PRR16: variants seen among roughly 807,000 people sequenced by gnomAD.
PRR16 encodes protein Largen.
PRR16 carries 6 observed loss-of-function variants against 18.2 expected under a neutral mutation model. The ratio of observed to expected loss-of-function variants is 0.33; its 90% CI spans 0.18 to 0.65. The LOEUF is 0.65. PRR16 is among the 30% of genes least tolerant of loss of function. The pLI is 0.74. For synonymous variants in PRR16, 151 were observed against 147.8 expected (o/e 1.02, Z -0.16); for missense variants, 412 against 376.6 (o/e 1.09, Z -0.78).
At chr5:120,747,508 G>C in the PRR16 span, among the ~76,000 whole-genome samples, 2 of 152,142 alleles carry the variant, frequency 1.3e-5, no homozygotes, top group Non-Finnish European at 2.9e-5. Flanking sequence ...TCATATCAAT[G>C]ATTCTCAAGG....
chr5:120,553,775 T>C (rs567946930), intron 1 of PRR16, among the ~76,000 whole-genome samples: 11 of 151,994 alleles, frequency 7.2e-5, no homozygotes, highest in African/African-American at 2.6e-4. Context: ...CTTGAAATAA[T>C]AACCTCAACG....
At chr5:120,701,563 G>A in the PRR16 span, among the ~76,000 whole-genome samples, 2 of 152,172 alleles carry the variant, frequency 1.3e-5, no homozygotes, top group Non-Finnish European at 2.9e-5. Context: ...CCAGGTGTGA[G>A]GAGGGGAGGT....
chr5:120,753,857 AAT>A, the PRR16 span, among the ~76,000 whole-genome samples: 2 of 93,200 alleles, frequency 2.1e-5, no homozygotes, highest in Non-Finnish European at 4.0e-5. Flanking sequence ...TATTATATAT[AAT>A]ATCTTATATA....
At chr5:120,475,218 T>C (rs1235802003) in intron 1 of PRR16, among the ~76,000 whole-genome samples, 1 of 152,172 alleles carries the variant, frequency 6.6e-6, no homozygotes, top group Admixed American at 6.5e-5. Flanking sequence ...GAACTCCTGA[T>C]ATTTCCCCCT....
the PRR16 span, among the ~76,000 whole-genome samples, chr5:120,749,239 A>G: frequency 6.6e-6 from 1 of 152,142 alleles, no homozygotes; most frequent in Admixed American, 6.5e-5. Flanking sequence ...CATCATAAAC[A>G]TTCTTAGTTC....
In PRR16 at chr5:120,467,860, A is replaced by G. The variant is rs548329918; in HGVS notation, c.159+3215A>G. Among the ~76,000 whole-genome samples, 8 of 152,284 alleles carry G rather than the reference A, an allele frequency of 5.3e-5. No homozygotes were observed. The East Asian group carries it at 1.5e-3, about 29-fold the overall frequency. ...TCCTTTTGTTTTCTATGCTATTAAT[A>G]TATTGGAAAAGCCTTAAATATAATT... On this transcript the variant is annotated intron_variant, in intron 1 of 1. Transcript: ENST00000407149.
intron 1 of PRR16, among the ~76,000 whole-genome samples, chr5:120,642,507 T>C (rs1008400866): frequency 4.6e-5 from 7 of 151,998 alleles, no homozygotes; most frequent in African/African-American, 9.7e-5. Flanking sequence ...AAATCGCTGA[T>C]CTGTATAAAA....
chr5:120,763,168 G>A, the PRR16 span, among the ~76,000 whole-genome samples: 3 of 151,090 alleles, frequency 2.0e-5, no homozygotes, highest in African/African-American at 4.9e-5. Context: ...TTTTTTTGAG[G>A]CAGTGTCTCA....
chr5:120,717,842 T>C, the PRR16 span, among the ~76,000 whole-genome samples: 1 of 152,162 alleles, frequency 6.6e-6, no homozygotes, highest in Non-Finnish European at 1.5e-5. Flanking sequence ...TATAAACAAC[T>C]ATTGAGGTTT....
chr5:120,705,736 G>A, the PRR16 span, among the ~76,000 whole-genome samples: 19 of 152,144 alleles, frequency 1.2e-4, 1 homozygote, highest in Admixed American at 1.2e-3. Context: ...TAATATGAAA[G>A]ATAGTAAGTG....
intron 1 of PRR16, among the ~76,000 whole-genome samples, chr5:120,635,800 A>T (rs9687722): frequency 3.3e-5 from 5 of 151,856 alleles, no homozygotes; most frequent in African/African-American, 1.2e-4. Flanking sequence ...AAGAAAGGGC[A>T]CTCGAATCGG....
the PRR16 span, among the ~76,000 whole-genome samples, chr5:120,750,505 A>T: frequency 6.6e-6 from 1 of 151,946 alleles, no homozygotes; most frequent in East Asian, 1.9e-4. Flanking sequence ...CTAAAAAAAA[A>T]ACAAAACAAA....
the PRR16 span, among the ~76,000 whole-genome samples, chr5:120,775,858 G>A: frequency 6.9e-6 from 1 of 144,696 alleles, no homozygotes; most frequent in Non-Finnish European, 1.5e-5. Flanking sequence ...ATGTTGTCCA[G>A]GCTGGTCTCG....
chr5:120,669,101 C>T (rs1334194001), intron 1 of PRR16, among the ~76,000 whole-genome samples: 1 of 152,124 alleles, frequency 6.6e-6, no homozygotes, highest in Non-Finnish European at 1.5e-5. Flanking sequence ...CGTGTAATGA[C>T]ACTGAGTCTT....
At chr5:120,701,256 T>C in the PRR16 span, among the ~76,000 whole-genome samples, 7 of 152,156 alleles carry the variant, frequency 4.6e-5, no homozygotes, top group Non-Finnish European at 8.8e-5. Context: ...ATTTAATTTT[T>C]GGAGTTTTAT....
At chr5:120,552,326 G>A (rs960487022) in intron 1 of PRR16, among the ~76,000 whole-genome samples, 3 of 151,762 alleles carry the variant, frequency 2.0e-5, no homozygotes, top group Admixed American at 6.6e-5. Flanking sequence ...TCTTATTGAC[G>A]TTTGCTGGGA....
chr5:120,513,894 G>A (rs1290475069), intron 1 of PRR16, among the ~76,000 whole-genome samples: 4 of 151,826 alleles, frequency 2.6e-5, no homozygotes, highest in Non-Finnish European at 5.9e-5. Context: ...GAGTAGCTGG[G>A]ATTGCAGGTG....
chr5:120,664,633 G>A (rs914285331), intron 1 of PRR16, among the ~76,000 whole-genome samples: 1 of 151,870 alleles, frequency 6.6e-6, no homozygotes, highest in African/African-American at 2.4e-5. Flanking sequence ...GCAGTCCCCA[G>A]AGTGTGATGT....
At chr5:120,747,758 TGAAGGAAG>T in the PRR16 span, among the ~76,000 whole-genome samples, 11 of 151,224 alleles carry the variant, frequency 7.3e-5, no homozygotes, top group African/African-American at 9.7e-5. Context: ...AAGAGAAAGA[TGAAGGAAG>T]GAAGGAAGGA....
Sources: gnomAD v4.1 joint callset for allele counts (sites outside exome capture counted in the v4.1 genomes callset) on GRCh38, gnomAD v4.1.1 for gene constraint, MANE v1.5 for transcripts, NCBI Gene and HGNC (gene_info 2026-07-23, HGNC 2026-07-21) for gene names.